MKS1: variants seen among roughly 807,000 people sequenced by gnomAD.
The protein encoded by MKS1 is MKS transition zone complex subunit 1.
In MKS1, 70 loss-of-function variants were observed where a neutral mutation model predicts 83.7. The ratio of observed to expected loss-of-function variants is 0.84; its 90% CI spans 0.69 to 1.02. The LOEUF is 1.02. Among genes scored for constraint, MKS1 ranks in the 50% least tolerant of loss-of-function variants. The probability of loss-of-function intolerance (pLI) is 0.00; values close to 1 mark genes in which losing one functional copy is unlikely to be tolerated. For synonymous variants in MKS1, 251 were observed against 273.4 expected, an observed-to-expected ratio of 0.92 and a Z score of 0.81; for missense variants, 681 against 726.9, an observed-to-expected ratio of 0.94 and a Z score of 0.73.
At chr17:58,208,653 T>G in intron 11 of MKS1, 70 bp from the exon 12 acceptor site, 2 of 1,403,456 alleles carry the variant, frequency 1.4e-6, no homozygotes, top group South Asian at 2.5e-5. Flanking sequence ...AAAGACAGTT[T>G]CTTTTTTCTT....
Position 58,210,675 on chromosome 17 carries a change from T to C in MKS1, c.1008A>G (p.Val336=). ...ATTACTTACGAGCAGTTGGCAATTC[T>C]ACAAAGAAGTGGACGTAGAGATTGT... The part of the protein sequence containing the change: ...EYDNLYVHFF[V]ELPTAHWSSP... Residue 336 remains valine, a synonymous_variant, in exon 11 of 18, where the codon GTA becomes GTG. Coordinates refer to ENST00000393119, the MANE Select transcript of MKS1 (RefSeq NM_017777.4). 1.2e-6 allele frequency: 2 copies of C among 1,613,938 alleles called. No individual in the cohort carries two copies. Among genetic ancestry groups the C allele is most frequent in the Non-Finnish European group, 1.7e-6 (2 of 1,179,784 alleles).
At chr17:58,218,487 A>C in intron 2 of MKS1, 133 bp downstream of exon 2, 1 of 532,218 alleles carries the variant, frequency 1.9e-6, no homozygotes, top group Non-Finnish European at 3.4e-6. Context: ...AAAAGCCACA[A>C]ATAGAATGTA....
In MKS1 at chr17:58,209,217, C is replaced by G. The variant is rs182842473; in HGVS notation, c.1025-634G>C. Among the ~76,000 whole-genome samples, 196 of 152,196 alleles carry G rather than the reference C, an allele frequency of 1.3e-3. No individual in the cohort carries two copies. The highest frequency in any genetic ancestry group is 4.4e-3 in the African/African-American group (184 of 41,500). On this transcript the variant is annotated intron_variant, in intron 11 of 17. Transcript: ENST00000393119. The surrounding 1 kb of genome is among the most constrained non-coding windows in gnomAD (Gnocchi z 4.1). ...GGGTACACCTCCCAGATGGGGCGGC[C>G]GGGCAGAGGCGCTCCTCACTTCCCA...
intron 2 of MKS1, among the ~76,000 whole-genome samples, chr17:58,217,237 C>G (rs1969273314): frequency 6.6e-6 from 1 of 152,250 alleles, no homozygotes; most frequent in South Asian, 2.1e-4. Flanking sequence ...GATCCACCTG[C>G]CTTGGTCTCC....
At position 58,219,003 on chromosome 17, in the gene MKS1, G is replaced by A. The variant is rs995561193; in HGVS notation, c.80+148C>T. The A allele has an allele frequency of 5.1e-6, 6 of 1,176,416 alleles. No homozygotes were observed. The African/African-American group carries it at 6.1e-5, about 12-fold the overall frequency. The allele number at this position is 1,176,416 out of a possible 1,614,324, so 72.9% of individuals were successfully genotyped here. A position where few individuals can be genotyped will look rare whatever the true frequency, so the allele number is the denominator to read the frequency against. On this transcript the variant is annotated intron_variant, in intron 1 of 17. Coordinates refer to ENST00000393119, the MANE Select transcript of MKS1 (RefSeq NM_017777.4). ...GGGTTCTTAGAGGCTGTGAGTGGAT[G>A]GGGGTACGGATAGTGAAAGAAGTGG...
chr17:58,219,012 G>T (rs1214075674), intron 1 of MKS1, 139 bp downstream of exon 1: 1 of 1,249,424 alleles, frequency 8.0e-7, no homozygotes, highest in Non-Finnish European at 1.1e-6. Context: ...TGGGGGTACG[G>T]ATAGTGAAAG....
chr17:58,207,924 A>T lies in MKS1; in HGVS notation c.1243T>A (p.Tyr415Asn). 1 of 1,614,100 alleles carries T rather than the reference A, an allele frequency of 6.2e-7. No individual in the cohort carries two copies. Among genetic ancestry groups the T allele is most frequent in the Non-Finnish European group, 8.5e-7 (1 of 1,180,004 alleles). The stretch of plus-strand genomic sequence containing the variant: ...GTGGCAGGCAGCACCACAGCCCCAT[A>T]GCCTTCCACACGGTACCTCTGCCAG... ...DFWQRYRVEG[Y>N]GAVVLPATPG... Residue 415 changes from tyrosine to asparagine, a missense_variant, in exon 14 of 18, where the codon TAT becomes AAT. By Grantham distance (143) the Tyr-to-Asn change is moderately radical. This residue lies in a region of MKS1 where 310 missense variants were observed against 321.7 expected (regional missense o/e 0.96). Coordinates refer to ENST00000393119, the MANE Select transcript of MKS1 (RefSeq NM_017777.4).
intron 4 of MKS1, chr17:58,215,696 C>A (rs1374361840): frequency 3.8e-6 from 1 of 264,764 alleles, no homozygotes; most frequent in Non-Finnish European, 7.5e-6. Flanking sequence ...AATTCCTCTT[C>A]AAACCCATAT....
At chr17:58,219,122 G>C in intron 1 of MKS1, 29 bp downstream of exon 1, 1 of 1,549,984 alleles carries the variant, frequency 6.5e-7, no homozygotes, top group Non-Finnish European at 8.7e-7. Flanking sequence ...CAAAAGCATG[G>C]GGCCTCGGGG....
rs1029541241 is a variant in MKS1, at chr17:58,209,693, G to C, written c.1024+966C>G. On this transcript the variant is annotated intron_variant, in intron 11 of 17. Coordinates refer to ENST00000393119, the MANE Select transcript of MKS1 (RefSeq NM_017777.4). The surrounding 1 kb of genome is among the most constrained non-coding windows in gnomAD (Gnocchi z 4.1). ...AAGGTTGTATGGAAGAGATAGGCAG[G>C]GGCCAGCTCATTCAGGGTATCAAGT... is the stretch of plus-strand genomic sequence containing the variant. Among the ~76,000 whole-genome samples the C allele has an allele frequency of 6.6e-6, 1 of 152,204 alleles. No individual in the cohort carries two copies. The highest frequency in any genetic ancestry group is 2.4e-5 in the African/African-American group (1 of 41,444).
rs531858493 is a variant in MKS1 at position 58,209,833 on chromosome 17, C to T, written c.1024+826G>A. Among the ~76,000 whole-genome samples the T allele has an allele frequency of 1.3e-5, 2 of 152,264 alleles. No homozygotes were observed. The highest frequency in any genetic ancestry group is 2.1e-4 in the South Asian group (1 of 4,810). On this transcript the variant is annotated intron_variant, in intron 11 of 17. Transcript: ENST00000393119. The surrounding 1 kb of genome is among the most constrained non-coding windows in gnomAD (Gnocchi z 4.1). ...GGCTTTGGTGTCTGTGGCAAATCAA[C>T]GGCAAATGGGAGCAAGGCAGGAAGC...
intron 10 of MKS1, 95 bp from the exon 11 acceptor site, chr17:58,210,819 T>C (rs370309695): frequency 6.8e-7 from 1 of 1,464,778 alleles, no homozygotes; most frequent in African/African-American, 1.4e-5. Context: ...TGAGAGCAAG[T>C]CTTTTGAGGG....
chr17:58,206,435 T>A, intron 16 of MKS1, 30 bp downstream of exon 16: 1 of 1,613,136 alleles, frequency 6.2e-7, no homozygotes, highest in Non-Finnish European at 8.5e-7. Context: ...AGGGCTAAGG[T>A]GCCCTGAGGC....
intron 1 of MKS1, 106 bp downstream of exon 1, chr17:58,219,045 G>T (rs1019435261): frequency 6.9e-6 from 10 of 1,455,660 alleles, no homozygotes; most frequent in Non-Finnish European, 9.3e-6. Flanking sequence ...CGGAGAAGTG[G>T]TCGGGATTGT....
At chr17:58,210,319 C>T (rs1346173923) in intron 11 of MKS1, among the ~76,000 whole-genome samples, 2 of 152,014 alleles carry the variant, frequency 1.3e-5, no homozygotes, top group East Asian at 3.9e-4. Flanking sequence ...AACAGAAGGC[C>T]TTGGCTTAGC....
intron 2 of MKS1, among the ~76,000 whole-genome samples, chr17:58,217,315 G>A (rs748730275): frequency 2.6e-5 from 4 of 152,308 alleles, no homozygotes; most frequent in Non-Finnish European, 5.9e-5. Context: ...TAATCTAACT[G>A]GATATAAGAA....
In MKS1 at chr17:58,216,312, T is replaced by G. The variant is rs1230280180; in HGVS notation, c.262-69A>C. On this transcript the variant is annotated intron_variant, in intron 3 of 17. Transcript: ENST00000393119. ...TACATCAAACTTTTGCTTCTGTAACTGTTTAATCAAATCAGTTCTACAGAA... is the reference window on the plus strand; with the variant it reads ...TACATCAAACTTTTGCTTCTGTAACGGTTTAATCAAATCAGTTCTACAGAA... 6 of 1,512,944 alleles carry G rather than the reference T, an allele frequency of 4.0e-6. No individual in the cohort carries two copies. The East Asian group carries it at 1.4e-4, about 34-fold the overall frequency. 93.7% of individuals were successfully genotyped at this position (1,512,944 alleles called of 1,614,324 possible). A position where few individuals can be genotyped will look rare whatever the true frequency, so the allele number is the denominator to read the frequency against.
chr17:58,218,921 G>A, intron 1 of MKS1, 192 bp from the exon 2 acceptor site: 1 of 833,934 alleles, frequency 1.2e-6, no homozygotes, highest in Non-Finnish European at 1.9e-6. Context: ...TGGGGGCACA[G>A]GGCTTTGAGA....
At position 58,216,106 on chromosome 17, in the gene MKS1, T is replaced by C. The variant is rs746378310; in HGVS notation, c.399A>G (p.Arg133=). The change falls in exon 4 of 18, where the codon AGA becomes AGG. Residue 133 remains arginine (R), a synonymous_variant. Transcript: ENST00000393119. ...ACAATACCTCCTCCAAATTGGTGTA[T>C]CTATCAGAGTCAGTGTAGGTAAAGA... ...RRIFTYTDSD[R]YTNLEEHCQR... The C allele has an allele frequency of 1.9e-6, 3 of 1,614,220 alleles. No individual in the cohort carries two copies. The highest frequency in any genetic ancestry group is 3.3e-5 in the Admixed American group (2 of 60,020).
Sources: gnomAD v4.1 joint callset for allele counts (sites outside exome capture counted in the v4.1 genomes callset) on GRCh38, gnomAD v4.1.1 for gene constraint, gnomAD v4.1.1 regional missense constraint, Gnocchi (gnomAD v3.1) non-coding constraint, MANE v1.5 for transcripts, NCBI Gene and HGNC (gene_info 2026-07-23, HGNC 2026-07-21) for gene names.